The following TFEC variants were observed in gnomAD, a reference collection of about 807,000 sequenced individuals.
TFEC encodes class E basic helix-loop-helix protein 34.
Under a neutral mutation model 41.6 loss-of-function variants are expected in TFEC, and 31 were observed. The ratio of observed to expected loss-of-function variants is 0.74; its 90% confidence interval spans 0.56 to 1.01. The LOEUF is 1.01. Among genes scored for constraint, TFEC ranks in the 50% least tolerant of loss-of-function variants. The pLI is 0.00. For synonymous variants in TFEC, 143 were observed against 140.6 expected (o/e 1.02, Z -0.12); for missense variants, 402 against 404.1 (o/e 0.99, Z 0.04).
intron 3 of TFEC, among the ~76,000 whole-genome samples, chr7:116,084,684 G>A (rs953801120): frequency 2.0e-5 from 3 of 151,768 alleles, no homozygotes; most frequent in Non-Finnish European, 4.4e-5. Flanking sequence ...AAATAATCAT[G>A]TACTGTAATG....
chr7:115,962,973 G>T (rs997993607), intron 3 of TFEC, among the ~76,000 whole-genome samples: 5 of 151,740 alleles, frequency 3.3e-5, no homozygotes, highest in African/African-American at 1.2e-4. Flanking sequence ...TTTACATTAG[G>T]TATTTCTCCT....
At chr7:116,135,028 G>T (rs995152461) in intron 1 of TFEC, among the ~76,000 whole-genome samples, 1 of 151,968 alleles carries the variant, frequency 6.6e-6, no homozygotes, top group Non-Finnish European at 1.5e-5. Context: ...TTTGAAATGC[G>T]TCAAAACTAA....
chr7:116,138,810 G>C (rs1772448186), intron 1 of TFEC, among the ~76,000 whole-genome samples: 2 of 152,136 alleles, frequency 1.3e-5, no homozygotes, highest in Non-Finnish European at 2.9e-5. Flanking sequence ...CAGGAGCCTT[G>C]TTTAATTTGA....
At chr7:115,962,409 G>A (rs1300973795) in intron 3 of TFEC, among the ~76,000 whole-genome samples, 1 of 151,754 alleles carries the variant, frequency 6.6e-6, no homozygotes, top group African/African-American at 2.4e-5. Context: ...AACAAAGTTG[G>A]AGCACTCACA....
rs780647584 is a variant in TFEC at position 115,984,368 on chromosome 7, A to G, written c.74T>C (p.Leu25Pro). The change falls in exon 2 of 8, where the codon CTT (leucine) becomes CCT (proline). Residue 25 changes from leucine to proline, a missense_variant. Coordinates refer to ENST00000265440, the MANE Select transcript of TFEC (RefSeq NM_012252.4). ...CAGAGTTGTGTGTGCATGCTGCACA[A>G]GAGGCCCACCACTTGGCACTGCAGG... ...SQPAVPSGGPLVQHAHTTLDS... is the reference protein window; with the variant it reads ...SQPAVPSGGPPVQHAHTTLDS... 5 of 1,614,188 alleles carry G rather than the reference A, an allele frequency of 3.1e-6. No individual in the cohort carries two copies.
chr7:116,090,971 G>C (rs538064198), intron 3 of TFEC, among the ~76,000 whole-genome samples: 7 of 152,048 alleles, frequency 4.6e-5, no homozygotes, highest in Admixed American at 2.0e-4. Flanking sequence ...TGTCGGGGGT[G>C]GGGGGCAAGG....
At chr7:116,136,174 G>GA (rs916044935) in intron 1 of TFEC, among the ~76,000 whole-genome samples, 9 of 151,774 alleles carry the variant, frequency 5.9e-5, no homozygotes, top group Non-Finnish European at 1.0e-4. Flanking sequence ...AATTTACTCA[G>GA]AAAAAACAAA....
chr7:115,937,603 T>TTTGATAAACGACTAC lies in TFEC; in HGVS notation c.*2933_*2947dup, dbSNP rs1413611454. On this transcript the variant is annotated 3_prime_UTR_variant, in exon 8 of 8. Coordinates refer to ENST00000265440, the MANE Select transcript of TFEC (RefSeq NM_012252.4). The stretch of plus-strand genomic sequence containing the variant: ...TAGTTTGCTGAGTGGGGAGGACATG[T>TTTGATAAACGACTAC]TTGATAAACGACTACTTCATAAATG... The TTTGATAAACGACTAC allele has an allele frequency of 7.2e-5, 11 of 151,896 alleles. No individual in the cohort carries two copies. Among genetic ancestry groups the TTTGATAAACGACTAC allele is most frequent in the Admixed American group, 3.3e-4 (5 of 15,222 alleles). The allele number at this position is 151,896 out of a possible 1,614,324, so 9.4% of individuals were successfully genotyped here.
chr7:116,012,702 A>G (rs1231181621), intron 1 of TFEC, among the ~76,000 whole-genome samples: 1 of 152,044 alleles, frequency 6.6e-6, no homozygotes, highest in African/African-American at 2.4e-5. Flanking sequence ...TGGAATATCA[A>G]TGTATTCTCA....
chr7:116,042,399 A>T (rs1381776623), intron 3 of TFEC, among the ~76,000 whole-genome samples: 1 of 152,218 alleles, frequency 6.6e-6, no homozygotes, highest in Admixed American at 6.5e-5. Flanking sequence ...GAGAAGTTAT[A>T]TGAGATAGGT....
chr7:116,069,997 TTAAA>T (rs1356950803), intron 3 of TFEC, among the ~76,000 whole-genome samples: 1 of 151,486 alleles, frequency 6.6e-6, no homozygotes, highest in Non-Finnish European at 1.5e-5. Context: ...TAAAACAATG[TTAAA>T]TAATTTGTAG....
Position 115,938,569 on chromosome 7 carries a change from A to G in TFEC, c.*1982T>C, listed in dbSNP as rs1793339074. On this transcript the variant is annotated 3_prime_UTR_variant, in exon 8 of 8. Coordinates refer to ENST00000265440, the MANE Select transcript of TFEC (RefSeq NM_012252.4). ...AATTATTTTAATTCTCCAAATTCTG[A>G]GCAAATGATACAAGCTAAGCCTGAG... is the stretch of plus-strand genomic sequence containing the variant. The G allele has an allele frequency of 6.6e-6, 1 of 151,890 alleles. No homozygotes were observed. The highest frequency in any genetic ancestry group is 1.5e-5 in the Non-Finnish European group (1 of 67,896). The allele number at this position is 151,890 out of a possible 1,614,324, so 9.4% of individuals were successfully genotyped here.
intron 3 of TFEC, among the ~76,000 whole-genome samples, chr7:116,107,935 G>A (rs1415860937): frequency 6.6e-6 from 1 of 152,130 alleles, no homozygotes; most frequent in Non-Finnish European, 1.5e-5. Context: ...CATGATGCTT[G>A]TCCCATAGCA....
intron 1 of TFEC, among the ~76,000 whole-genome samples, chr7:116,143,546 A>G (rs575937253): frequency 9.2e-5 from 14 of 152,352 alleles, no homozygotes; most frequent in African/African-American, 3.4e-4. Flanking sequence ...CAGAGAAAAC[A>G]TATTTAGTGA....
rs912272396 is a variant in TFEC, at chr7:115,935,699, T to C, written c.*4852A>G. 6.6e-6 allele frequency: 1 copy of C among 151,512 alleles called. No homozygotes were observed. The highest frequency in any genetic ancestry group is 1.5e-5 in the Non-Finnish European group (1 of 67,580). 9.4% of individuals were successfully genotyped at this position (151,512 alleles called of 1,614,324 possible). On this transcript the variant is annotated 3_prime_UTR_variant, in exon 8 of 8. Coordinates refer to ENST00000265440, the MANE Select transcript of TFEC (RefSeq NM_012252.4). Reference sequence around the variant, plus strand: ...CAAAATTTATATTCTATGGAAAAAATACAGTGACAATATAGAATTTTTGCA... The same window carrying C: ...CAAAATTTATATTCTATGGAAAAAACACAGTGACAATATAGAATTTTTGCA...
At chr7:116,012,553 G>A (rs1248545605) in intron 1 of TFEC, among the ~76,000 whole-genome samples, 1 of 151,986 alleles carries the variant, frequency 6.6e-6, no homozygotes, top group African/African-American at 2.4e-5. Context: ...AAATCTACAT[G>A]CTGTAAAATA....
intron 3 of TFEC, among the ~76,000 whole-genome samples, chr7:115,972,977 G>A: frequency 6.6e-6 from 1 of 151,874 alleles, no homozygotes; most frequent in East Asian, 1.9e-4. Context: ...ATTAGAAAGG[G>A]AGATATTAGC....
At chr7:116,093,592 T>G (rs1562966752) in intron 3 of TFEC, among the ~76,000 whole-genome samples, 1 of 152,180 alleles carries the variant, frequency 6.6e-6, no homozygotes, top group Non-Finnish European at 1.5e-5. Flanking sequence ...TTTTTCACTG[T>G]GCTCTTACCA....
chr7:116,104,284 C>A (rs1049016548), intron 3 of TFEC, among the ~76,000 whole-genome samples: 6 of 152,068 alleles, frequency 3.9e-5, no homozygotes, highest in African/African-American at 1.4e-4. Context: ...CTTCAGTGAG[C>A]CATTTTCCTC....
Sources: gnomAD v4.1 joint callset for allele counts (sites outside exome capture counted in the v4.1 genomes callset) on GRCh38, gnomAD v4.1.1 for gene constraint, MANE v1.5 for transcripts, NCBI Gene and HGNC (gene_info 2026-07-23, HGNC 2026-07-21) for gene names.